AGK: variants seen among roughly 807,000 people sequenced by gnomAD.
AGK encodes acylglycerol kinase, also known as acylglycerol kinase, mitochondrial.
Under a neutral mutation model 66.4 loss-of-function variants are expected in AGK, and 52 were observed. The observed-to-expected ratio is 0.78, with a 90% CI of 0.63 to 0.99. The LOEUF is 0.99. AGK is among the 50% of genes least tolerant of loss of function. The pLI is 0.00. For synonymous variants in AGK, 182 were observed against 181.1 expected (o/e 1.00, Z -0.04); for missense variants, 451 against 506.6 (o/e 0.89, Z 1.05).
chr7:141,631,878 C>G (rs577031088), intron 9 of AGK, among the ~76,000 whole-genome samples: 1 of 152,188 alleles, frequency 6.6e-6, no homozygotes, highest in Non-Finnish European at 1.5e-5. Context: ...TTCTCATGTA[C>G]TTCAGGTCTC....
chr7:141,584,978 A>T (rs1795966440), intron 2 of AGK, among the ~76,000 whole-genome samples: 1 of 152,164 alleles, frequency 6.6e-6, no homozygotes, highest in South Asian at 2.1e-4. Context: ...AGAAGATACA[A>T]ATTTCTTTGG....
chr7:141,599,625 C>A (rs1796300266), intron 4 of AGK, among the ~76,000 whole-genome samples: 1 of 152,050 alleles, frequency 6.6e-6, no homozygotes, highest in Non-Finnish European at 1.5e-5. Flanking sequence ...CAGAATTTTG[C>A]TTTTAGGAAA....
At chr7:141,594,558 G>A (rs1034277238) in intron 3 of AGK, among the ~76,000 whole-genome samples, 2 of 152,124 alleles carry the variant, frequency 1.3e-5, no homozygotes, top group African/African-American at 4.8e-5. Context: ...CTTGTTGAAA[G>A]TAAATGCCTC....
At position 141,653,880 on chromosome 7, in the gene AGK, A is replaced by G. The variant is rs1305312752; in HGVS notation, c.*956A>G. 1 of 152,246 alleles carries G rather than the reference A, an allele frequency of 6.6e-6. No individual in the cohort carries two copies. Among genetic ancestry groups the G allele is most frequent in the Non-Finnish European group, 1.5e-5 (1 of 68,050 alleles). 9.4% of individuals were successfully genotyped at this position (152,246 alleles called of 1,614,324 possible). On this transcript the variant is annotated 3_prime_UTR_variant, in exon 16 of 16. Transcript: ENST00000649286. ...GTCGTGTAAATATTGGTATTTTAAAATAAAAACTGTTACATCACTATTTTA... is the reference window on the plus strand; with the variant it reads ...GTCGTGTAAATATTGGTATTTTAAAGTAAAAACTGTTACATCACTATTTTA...
intron 2 of AGK, among the ~76,000 whole-genome samples, chr7:141,560,020 T>C (rs1795304402): frequency 6.6e-6 from 1 of 152,154 alleles, no homozygotes; most frequent in African/African-American, 2.4e-5. Flanking sequence ...AGATATGTCA[T>C]CTGTGAATAG....
At chr7:141,612,667 C>T (rs1407495540) in intron 6 of AGK, among the ~76,000 whole-genome samples, 1 of 152,058 alleles carries the variant, frequency 6.6e-6, no homozygotes, top group East Asian at 1.9e-4. Context: ...CTCTGTATTC[C>T]TCTCAATTTT....
At chr7:141,650,766 T>G in intron 14 of AGK, 1 of 807,746 alleles carries the variant, frequency 1.2e-6, no homozygotes, top group Non-Finnish European at 1.5e-6. Flanking sequence ...CACGGTATCC[T>G]TGGGGTATTG....
At chr7:141,583,168 T>C (rs925263612) in intron 2 of AGK, among the ~76,000 whole-genome samples, 3 of 151,844 alleles carry the variant, frequency 2.0e-5, no homozygotes, top group Non-Finnish European at 4.4e-5. Flanking sequence ...GTTGAGTTTG[T>C]ATTGGGGTCA....
chr7:141,652,746 C>CTGATGTGTTTGAG, intron 15 of AGK, 41 bp from the exon 16 acceptor site: 1 of 1,606,360 alleles, frequency 6.2e-7, no homozygotes, highest in Non-Finnish European at 8.5e-7. Flanking sequence ...CAGTAGGCCA[C>CTGATGTGTTTGAG]TGATGTGTTT....
intron 2 of AGK, among the ~76,000 whole-genome samples, chr7:141,565,591 A>T (rs1210885567): frequency 6.6e-6 from 1 of 152,006 alleles, no homozygotes; most frequent in Admixed American, 6.5e-5. Flanking sequence ...CAGTGAGCTG[A>T]GATCGTACCA....
At chr7:141,615,814 G>T (rs1796690633) in intron 8 of AGK, 3 of 463,506 alleles carry the variant, frequency 6.5e-6, no homozygotes, top group Admixed American at 7.3e-5. Context: ...CAGTTATGAA[G>T]ATAATATCCC....
chr7:141,596,423 G>A, intron 3 of AGK, 139 bp from the exon 4 acceptor site: 1 of 653,486 alleles, frequency 1.5e-6, no homozygotes, highest in Non-Finnish European at 2.7e-6. Context: ...TCGTTAATAT[G>A]AGATCATGAA....
rs1587114560 is a variant in AGK, at chr7:141,602,173, T to TGTG, written c.297+893_297+894insGTG. Among the ~76,000 whole-genome samples the TGTG allele has an allele frequency of 1.8e-3, 230 of 125,380 alleles. 3 individuals carry two copies. The highest frequency in any genetic ancestry group is 0.017 in the South Asian group (64 of 3,872). The allele number at this position is 125,380 out of a possible 152,430, so 82.3% of individuals were successfully genotyped here. On this transcript the variant is annotated intron_variant, in intron 5 of 15. Coordinates refer to ENST00000649286, the MANE Select transcript of AGK (RefSeq NM_018238.4). Reference sequence around the variant, plus strand: ...GAGCTTTCCTTGAGGGGAGATTTTCTTGTGTGTGTGTGTGTGTGTGTGTGT... The same window carrying TGTG: ...GAGCTTTCCTTGAGGGGAGATTTTCTGTGTGTGTGTGTGTGTGTGTGTGTGTGT...
intron 2 of AGK, among the ~76,000 whole-genome samples, chr7:141,567,748 C>A (rs2116869585): frequency 1.3e-5 from 2 of 152,294 alleles, no homozygotes; most frequent in Middle Eastern, 3.4e-3. Context: ...AGTTTACCTG[C>A]AATAGTCTGT....
chr7:141,604,319 A>G lies in AGK; in HGVS notation c.297+3039A>G, dbSNP rs567078978. Among the ~76,000 whole-genome samples the G allele has an allele frequency of 3.4e-5, 5 of 148,690 alleles. No homozygotes were observed. The East Asian group carries it at 1.0e-3, about 30-fold the overall frequency. On this transcript the variant is annotated intron_variant, in intron 5 of 15. Transcript: ENST00000649286. ...TGTATTAACATTTTACCATGTTTAC[A>G]CATGCTCTCTCTTTACATGTATGTG...
intron 13 of AGK, 135 bp downstream of exon 13, chr7:141,642,043 A>T (rs1334554940): frequency 2.5e-6 from 2 of 789,960 alleles, no homozygotes; most frequent in Non-Finnish European, 4.1e-6. Context: ...GAGAAAGAGG[A>T]TGTGGTGTGC....
chr7:141,593,086 T>G (rs554634144), intron 2 of AGK, 60 bp from the exon 3 acceptor site: 1 of 1,466,568 alleles, frequency 6.8e-7, no homozygotes, highest in East Asian at 2.3e-5. Flanking sequence ...AGCTCACAAA[T>G]TTTGTTTGGA....
intron 2 of AGK, among the ~76,000 whole-genome samples, chr7:141,571,659 A>T (rs1795611438): frequency 6.6e-6 from 1 of 152,198 alleles, no homozygotes; most frequent in Admixed American, 6.5e-5. Context: ...CACTTCTTAG[A>T]GTTCACTAGA....
chr7:141,633,796 T>A, intron 9 of AGK, 105 bp from the exon 10 acceptor site: 1 of 937,726 alleles, frequency 1.1e-6, no homozygotes, highest in Admixed American at 1.9e-5. Flanking sequence ...TTTTAGAATT[T>A]TGGTTTGATG....
Sources: allele counts gnomAD v4.1 joint callset (sites outside exome capture counted in the v4.1 genomes callset), GRCh38; gene constraint gnomAD v4.1.1; transcripts MANE v1.5; gene names NCBI Gene and HGNC (gene_info 2026-07-23, HGNC 2026-07-21).